Variants in STK32A observed in about 807,000 individuals in gnomAD.
STK32A encodes the protein serine/threonine-protein kinase 32A.
A neutral mutation model predicts 53.2 loss-of-function variants in STK32A; 41 were observed. The ratio of observed to expected loss-of-function variants is 0.77; its 90% CI spans 0.60 to 1.00. STK32A has a LOEUF of 1.00. Ranked by LOEUF, STK32A falls within the 50% of genes least tolerant of loss-of-function variation. The pLI is 0.00. For missense variants in STK32A, 458 were observed against 485.8 expected (o/e 0.94, Z 0.54); for synonymous variants, 166 against 162.8 (o/e 1.02, Z -0.15).
chr5:147,299,730 G>A (rs892962681), intron 4 of STK32A, among the ~76,000 whole-genome samples: 5 of 152,144 alleles, frequency 3.3e-5, no homozygotes, highest in Non-Finnish European at 5.9e-5. Context: ...TAACAGCAGC[G>A]ACAAGTGGGT....
chr5:147,343,729 T>G (rs1374608800), intron 6 of STK32A, among the ~76,000 whole-genome samples: 1 of 152,238 alleles, frequency 6.6e-6, no homozygotes, highest in African/African-American at 2.4e-5. Context: ...TATGCGGCTT[T>G]GTCTATGCTG....
Position 147,243,738 on chromosome 5 carries a change from C to CAAAA in STK32A, c.52+4058_52+4061dup, listed in dbSNP as rs377312425. Among the ~76,000 whole-genome samples the CAAAA allele has an allele frequency of 1.5e-5, 2 of 134,678 alleles. 1 individual carries two copies. The highest frequency in any genetic ancestry group is 3.2e-5 in the Non-Finnish European group (2 of 62,952). 88.4% of individuals were successfully genotyped at this position (134,678 alleles called of 152,430 possible). A position where few individuals can be genotyped will look rare whatever the true frequency, so the allele number is the denominator to read the frequency against. The stretch of plus-strand genomic sequence containing the variant: ...CCTGGCAACAGAGCAAGACTCTGTC[C>CAAAA]AAAAAAAAACGGCTTGCTTATTTGA... On this transcript the variant is annotated intron_variant, in intron 2 of 12. Transcript: ENST00000397936.
chr5:147,241,249 C>A (rs1053755973), intron 2 of STK32A, among the ~76,000 whole-genome samples: 2 of 152,124 alleles, frequency 1.3e-5, no homozygotes, highest in Non-Finnish European at 2.9e-5. Flanking sequence ...GAGGCCGAGG[C>A]GGGCGGATCA....
chr5:147,374,436 G>T (rs1757143728), intron 10 of STK32A, among the ~76,000 whole-genome samples: 1 of 152,082 alleles, frequency 6.6e-6, no homozygotes, highest in Admixed American at 6.5e-5. Context: ...AAAGCAGGGT[G>T]GTGGAATTGT....
At chr5:147,371,494 T>C (rs1287915710) in intron 9 of STK32A, among the ~76,000 whole-genome samples, 1 of 152,146 alleles carries the variant, frequency 6.6e-6, no homozygotes, top group Admixed American at 6.6e-5. Flanking sequence ...CACAGGACCT[T>C]TGCACATGCC....
At chr5:147,282,309 A>C (rs562591115) in intron 4 of STK32A, among the ~76,000 whole-genome samples, 139 of 152,286 alleles carry the variant, frequency 9.1e-4, no homozygotes, top group African/African-American at 3.0e-3. Flanking sequence ...TTTCCTGAAC[A>C]CACACCCCCA....
intron 8 of STK32A, among the ~76,000 whole-genome samples, chr5:147,365,428 A>C (rs147729522): frequency 0.01 from 1,537 of 152,062 alleles, 28 homozygotes; most frequent in African/African-American, 0.035. Flanking sequence ...TGAAAGGACC[A>C]CCCTTGTAAG....
intron 5 of STK32A, among the ~76,000 whole-genome samples, chr5:147,327,428 C>G (rs1754655030): frequency 6.6e-6 from 1 of 152,192 alleles, no homozygotes; most frequent in Admixed American, 6.5e-5. Context: ...AATGAAAGTA[C>G]AGTAGATCTC....
Position 147,312,793 on chromosome 5 carries a change from G to A in STK32A, c.261-11105G>A, listed in dbSNP as rs150259667. Among the ~76,000 whole-genome samples, 181 of 152,302 alleles carry A rather than the reference G, an allele frequency of 1.2e-3. 3 individuals are homozygous for A. Among genetic ancestry groups the A allele is most frequent in the African/African-American group, 4.2e-3 (174 of 41,566 alleles). On this transcript the variant is annotated intron_variant, in intron 4 of 12. Coordinates refer to ENST00000397936, the MANE Select transcript of STK32A (RefSeq NM_001112724.2). ...TGCTGGTGGCAATTCAAAATGATATGCACCCTATGGAGATAAATTTGGCAA... is the reference window on the plus strand; with the variant it reads ...TGCTGGTGGCAATTCAAAATGATATACACCCTATGGAGATAAATTTGGCAA...
Position 147,311,549 on chromosome 5 carries a change from C to T in STK32A, c.261-12349C>T, listed in dbSNP as rs369949106. On this transcript the variant is annotated intron_variant, in intron 4 of 12. Coordinates refer to ENST00000397936, the MANE Select transcript of STK32A (RefSeq NM_001112724.2). ...CAATATAATGCAATGCAGCCATCTGCCACTAGATTTCTGAAGTGTTTTGTT... is the reference window on the plus strand; with the variant it reads ...CAATATAATGCAATGCAGCCATCTGTCACTAGATTTCTGAAGTGTTTTGTT... Among the ~76,000 whole-genome samples the T allele has an allele frequency of 8.7e-4, 133 of 152,172 alleles. 1 individual carries two copies. The South Asian group carries it at 0.026, about 30-fold the overall frequency.
chr5:147,343,337 T>TG (rs1755532387), intron 6 of STK32A: 2 of 560,580 alleles, frequency 3.6e-6, no homozygotes, highest in Admixed American at 2.4e-5. Flanking sequence ...CAGTGTTAGC[T>TG]GGCCTTAATA....
At chr5:147,367,134 C>T (rs1185802857) in intron 8 of STK32A, among the ~76,000 whole-genome samples, 1 of 151,774 alleles carries the variant, frequency 6.6e-6, no homozygotes, top group Non-Finnish European at 1.5e-5. Flanking sequence ...GGCCCAATCT[C>T]GGCTCACTGC....
At chr5:147,253,107 C>CT (rs1414685388) in intron 2 of STK32A, among the ~76,000 whole-genome samples, 2 of 152,176 alleles carry the variant, frequency 1.3e-5, no homozygotes, top group African/African-American at 4.8e-5. Context: ...ATATAATTTG[C>CT]TTAAATATAC....
At chr5:147,245,198 T>C (rs969265600) in intron 2 of STK32A, among the ~76,000 whole-genome samples, 17 of 152,204 alleles carry the variant, frequency 1.1e-4, no homozygotes, top group African/African-American at 4.1e-4. Flanking sequence ...CTAATTGGGA[T>C]GAAAATAACT....
At chr5:147,359,335 G>T (rs1756393304) in intron 7 of STK32A, among the ~76,000 whole-genome samples, 1 of 152,094 alleles carries the variant, frequency 6.6e-6, no homozygotes, top group Non-Finnish European at 1.5e-5. Context: ...TGCATACCAT[G>T]AATATTTTCT....
At chr5:147,287,803 C>T (rs187159742) in intron 4 of STK32A, among the ~76,000 whole-genome samples, 9 of 152,074 alleles carry the variant, frequency 5.9e-5, no homozygotes, top group African/African-American at 7.2e-5. Flanking sequence ...CACTTCACAA[C>T]CTCCCTTTGT....
At chr5:147,328,740 G>A (rs1386209657) in intron 5 of STK32A, among the ~76,000 whole-genome samples, 2 of 152,122 alleles carry the variant, frequency 1.3e-5, no homozygotes, top group Non-Finnish European at 2.9e-5. Flanking sequence ...TACAGGGTTA[G>A]TACTATTCTA....
At chr5:147,337,140 C>T (rs917472076) in intron 5 of STK32A, among the ~76,000 whole-genome samples, 22 of 152,138 alleles carry the variant, frequency 1.4e-4, no homozygotes, top group Non-Finnish European at 2.9e-4. Flanking sequence ...TGGATCCTGC[C>T]ACAAGGAGCA....
chr5:147,377,781 A>C (rs1040536242), intron 11 of STK32A, among the ~76,000 whole-genome samples: 1 of 152,146 alleles, frequency 6.6e-6, no homozygotes, highest in Non-Finnish European at 1.5e-5. Flanking sequence ...ACTTGGTTCC[A>C]GTAAACCTTT....
Sources: allele counts gnomAD v4.1 joint callset (sites outside exome capture counted in the v4.1 genomes callset), GRCh38; gene constraint gnomAD v4.1.1; transcripts MANE v1.5; gene names NCBI Gene and HGNC (gene_info 2026-07-23, HGNC 2026-07-21).